The following RGS6 variants were observed in gnomAD, a reference collection of about 807,000 sequenced individuals.
RGS6 encodes regulator of G-protein signaling 6.
RGS6 carries 30 observed loss-of-function variants against 78.5 expected under a neutral mutation model. The observed-to-expected ratio is 0.38, with a 90% CI of 0.29 to 0.52. The LOEUF (loss-of-function observed/expected upper bound fraction) is 0.52. RGS6 is among the 20% of genes least tolerant of loss of function. The pLI is 0.85. For missense variants in RGS6, 495 were observed against 609.7 expected (o/e 0.81, Z 1.98); for synonymous variants, 206 against 206.0 (o/e 1.00, Z 0.00).
intron 2 of RGS6, among the ~76,000 whole-genome samples, chr14:72,200,145 A>G (rs1247900000): frequency 6.6e-6 from 1 of 152,238 alleles, no homozygotes; most frequent in African/African-American, 2.4e-5. Context: ...TTTGTGGAAG[A>G]TTCCGTGATT....
intron 3 of RGS6, among the ~76,000 whole-genome samples, chr14:72,417,977 G>A (rs962216521): frequency 6.6e-6 from 1 of 152,050 alleles, no homozygotes; most frequent in African/African-American, 2.4e-5. Context: ...GGGGCGATCT[G>A]AACACTTGGG....
At chr14:72,198,288 G>A (rs7146320) in intron 2 of RGS6, among the ~76,000 whole-genome samples, 145,164 of 152,336 alleles carry the variant, frequency 0.95, 69,331 homozygotes, top group East Asian at 1. Context: ...CAGAAGTCCA[G>A]GCTTCAGTGA....
chr14:72,467,435 G>A (rs1457402476), intron 7 of RGS6, among the ~76,000 whole-genome samples: 1 of 152,118 alleles, frequency 6.6e-6, no homozygotes, highest in South Asian at 2.1e-4. Context: ...CAAGTGTGAG[G>A]CCCCACTCTG....
chr14:72,027,529 GT>G (rs1316120666), intron 2 of RGS6, among the ~76,000 whole-genome samples: 1 of 148,766 alleles, frequency 6.7e-6, no homozygotes, highest in Non-Finnish European at 1.5e-5. Context: ...AAATGAAGTG[GT>G]TTTACTACCC....
intron 15 of RGS6, among the ~76,000 whole-genome samples, chr14:72,535,333 G>C (rs1247245571): frequency 1.3e-5 from 2 of 152,220 alleles, no homozygotes; most frequent in African/African-American, 4.8e-5. Context: ...TCCAGGACGA[G>C]GTGGTGGCCC....
At chr14:72,485,148 G>A (rs2096464792) in intron 12 of RGS6, among the ~76,000 whole-genome samples, 1 of 152,092 alleles carries the variant, frequency 6.6e-6, no homozygotes, top group Non-Finnish European at 1.5e-5. Context: ...AGGAGTCAGG[G>A]ATAAAGGGAC....
chr14:72,244,555 C>A (rs939640650), intron 2 of RGS6, among the ~76,000 whole-genome samples: 1 of 152,134 alleles, frequency 6.6e-6, no homozygotes, highest in Non-Finnish European at 1.5e-5. Flanking sequence ...ACAGTTGTTC[C>A]CCCTACCATA....
chr14:72,382,762 T>C (rs2086531616), intron 3 of RGS6, among the ~76,000 whole-genome samples: 2 of 152,332 alleles, frequency 1.3e-5, no homozygotes, highest in South Asian at 4.1e-4. Flanking sequence ...ATGAATTAGC[T>C]ATAGGCTTTA....
intron 15 of RGS6, among the ~76,000 whole-genome samples, chr14:72,520,031 A>G (rs1419389882): frequency 6.6e-6 from 1 of 152,322 alleles, no homozygotes; most frequent in South Asian, 2.1e-4. Flanking sequence ...AGCCTCAAAA[A>G]TCATCAGTAC....
At chr14:72,171,260 G>A (rs981959936) in intron 2 of RGS6, among the ~76,000 whole-genome samples, 4 of 152,020 alleles carry the variant, frequency 2.6e-5, no homozygotes, top group Non-Finnish European at 4.4e-5. Flanking sequence ...CACATGTATG[G>A]ACCTGTGCAT....
At chr14:72,371,433 A>C (rs2083484247) in intron 3 of RGS6, among the ~76,000 whole-genome samples, 1 of 152,140 alleles carries the variant, frequency 6.6e-6, no homozygotes, top group Non-Finnish European at 1.5e-5. Context: ...CAAACCCCTA[A>C]TTGTACTCTA....
intron 12 of RGS6, among the ~76,000 whole-genome samples, chr14:72,487,300 T>A (rs1395655169): frequency 6.6e-6 from 1 of 152,232 alleles, no homozygotes; most frequent in Non-Finnish European, 1.5e-5. Context: ...CATAGATAAA[T>A]ATAGTAAGAA....
At chr14:72,206,348 A>C (rs2042704618) in intron 2 of RGS6, among the ~76,000 whole-genome samples, 1 of 152,182 alleles carries the variant, frequency 6.6e-6, no homozygotes, top group Non-Finnish European at 1.5e-5. Context: ...AAAGATGGAC[A>C]TAGTATTTTG....
At chr14:72,099,405 T>C (rs1192975516) in intron 2 of RGS6, among the ~76,000 whole-genome samples, 1 of 152,128 alleles carries the variant, frequency 6.6e-6, no homozygotes, top group African/African-American at 2.4e-5. Flanking sequence ...GTGATCTGCC[T>C]GCCTCGGCCT....
chr14:72,161,290 C>T (rs981678781), intron 2 of RGS6, among the ~76,000 whole-genome samples: 2 of 152,050 alleles, frequency 1.3e-5, no homozygotes, highest in African/African-American at 4.8e-5. Context: ...ATGTAGATGA[C>T]GGGTTGATGG....
chr14:72,518,575 C>A, intron 15 of RGS6, 38 bp downstream of exon 15: 1 of 1,579,742 alleles, frequency 6.3e-7, no homozygotes, highest in Non-Finnish European at 8.7e-7. Flanking sequence ...ATAAGGTGTT[C>A]ATTTGTCCCC....
intron 2 of RGS6, among the ~76,000 whole-genome samples, chr14:72,024,529 A>G (rs992506356): frequency 2.0e-5 from 3 of 152,170 alleles, no homozygotes; most frequent in African/African-American, 7.2e-5. Flanking sequence ...CCCCAGCATC[A>G]CTAATGGATT....
intron 2 of RGS6, among the ~76,000 whole-genome samples, chr14:72,122,162 G>T (rs2096067632): frequency 6.6e-6 from 1 of 152,156 alleles, no homozygotes. Context: ...ATTATGATGG[G>T]TGTCTTGGTT....
rs898760258 is a variant in RGS6, at chr14:72,459,623, C to A, written c.343-9C>A. On this transcript the variant is annotated splice_polypyrimidine_tract_variant and intron_variant, in intron 5 of 17. Transcript: ENST00000553525. ...GCCCCTGAGCACTAACACCCATGCT[C>A]CTTTGCAGGCTCCGTACTTCTGGCC... 4 of 1,614,062 alleles carry A rather than the reference C, an allele frequency of 2.5e-6. No individual in the cohort carries two copies. In the East Asian group the frequency reaches 6.7e-5, roughly 27 times the overall value.
Sources: gnomAD v4.1 joint callset for allele counts (sites outside exome capture counted in the v4.1 genomes callset) on GRCh38, gnomAD v4.1.1 for gene constraint, MANE v1.5 for transcripts, NCBI Gene and HGNC (gene_info 2026-07-23, HGNC 2026-07-21) for gene names.